Variants in ROBO2 observed in about 807,000 individuals in gnomAD.
ROBO2 encodes roundabout homolog 2.
Under a neutral mutation model 160.8 loss-of-function variants are expected in ROBO2, and 53 were observed. The observed-to-expected ratio is 0.33, with a 90% CI of 0.26 to 0.41. The LOEUF (loss-of-function observed/expected upper bound fraction) is 0.41, where lower values mean the gene tolerates loss of function less well. ROBO2 is among the 10% of genes least tolerant of loss of function. The pLI is 1.00. For synonymous variants in ROBO2, 664 were observed against 611.7 expected, an observed-to-expected ratio of 1.09 and a Z score of -1.26; for missense variants, 1,577 against 1,722.4, an observed-to-expected ratio of 0.92 and a Z score of 1.49.
rs111999016 is a variant in ROBO2, at chr3:76,670,569, C to G, written c.110-427445C>G. ...CTGTGCTTTCTACCCTCTGGGCAAACCTGCATTCTTCATTCATACTGATCT... is the reference window on the plus strand; with the variant it reads ...CTGTGCTTTCTACCCTCTGGGCAAAGCTGCATTCTTCATTCATACTGATCT... On this transcript the variant is annotated intron_variant, in intron 2 of 26. Coordinates refer to the ROBO2 transcript ENST00000487694. 2.5e-3 allele frequency among the ~76,000 whole-genome samples: 386 copies of G among 152,050 alleles called. 2 individuals are homozygous for G. The highest frequency in any genetic ancestry group is 8.8e-3 in the African/African-American group (365 of 41,494).
intron 2 of ROBO2, among the ~76,000 whole-genome samples, chr3:76,090,648 A>C (rs967941221): frequency 5.9e-5 from 9 of 152,182 alleles, no homozygotes; most frequent in African/African-American, 2.2e-4. Context: ...TTTAATATTG[A>C]AGAAGAATAA....
intron 23 of ROBO2, among the ~76,000 whole-genome samples, chr3:77,625,567 G>A (rs1177020725): frequency 1.3e-5 from 2 of 152,044 alleles, no homozygotes; most frequent in South Asian, 4.2e-4. Flanking sequence ...TAGTAGAGAC[G>A]GGGTTTCACC....
At position 77,065,444 on chromosome 3, in the gene ROBO2, A is replaced by G. The variant is rs113706311; in HGVS notation, c.61+24598A>G. On this transcript the variant is annotated intron_variant, in intron 1 of 25. Coordinates refer to ENST00000461745, the Ensembl canonical transcript of ROBO2. ...TTCTCTTTGTATTTTTTGTATCTAA[A>G]CCCAATTACCTGTCATTCTTGTGAC... Among the ~76,000 whole-genome samples the G allele has an allele frequency of 9.3e-3, 1,411 of 152,238 alleles. 16 individuals carry two copies. The highest frequency in any genetic ancestry group is 0.031 in the African/African-American group (1,298 of 41,546).
intron 2 of ROBO2, among the ~76,000 whole-genome samples, chr3:76,597,266 A>G (rs2086795233): frequency 6.6e-6 from 1 of 152,130 alleles, no homozygotes; most frequent in Non-Finnish European, 1.5e-5. Context: ...TAAATGGACC[A>G]CATCAAAATT....
intron 2 of ROBO2, among the ~76,000 whole-genome samples, chr3:76,695,320 G>A (rs1576035223): frequency 6.6e-6 from 1 of 152,142 alleles, no homozygotes; most frequent in East Asian, 1.9e-4. Flanking sequence ...TTCTATGCCT[G>A]TCAGGCAGAT....
At chr3:76,547,684 C>G (rs919786685) in intron 2 of ROBO2, among the ~76,000 whole-genome samples, 2 of 152,040 alleles carry the variant, frequency 1.3e-5, no homozygotes, top group African/African-American at 4.8e-5. Context: ...TACCTCTATG[C>G]TAGCACTGAC....
chr3:76,715,244 A>T (rs2093360723), intron 2 of ROBO2, among the ~76,000 whole-genome samples: 1 of 152,156 alleles, frequency 6.6e-6, no homozygotes. Flanking sequence ...TTCTAAGGAA[A>T]AAAGTTAATA....
At chr3:76,476,606 A>AC (rs2078943996) in intron 2 of ROBO2, among the ~76,000 whole-genome samples, 2 of 152,090 alleles carry the variant, frequency 1.3e-5, no homozygotes, top group African/African-American at 4.8e-5. Context: ...GCGCTGTACC[A>AC]CTGTTCAATC....
chr3:76,496,542 A>C (rs899112703), intron 2 of ROBO2, among the ~76,000 whole-genome samples: 12 of 152,126 alleles, frequency 7.9e-5, no homozygotes, highest in Non-Finnish European at 2.9e-5. Context: ...CCTGTTCCCA[A>C]GACTCTCATA....
At chr3:76,481,109 A>G (rs1393625727) in intron 2 of ROBO2, among the ~76,000 whole-genome samples, 1 of 152,154 alleles carries the variant, frequency 6.6e-6, no homozygotes, top group Non-Finnish European at 1.5e-5. Flanking sequence ...ATGCGTCTCA[A>G]TGACCTGAAA....
intron 2 of ROBO2, among the ~76,000 whole-genome samples, chr3:76,071,421 T>G (rs879907802): frequency 2.6e-5 from 4 of 152,198 alleles, no homozygotes; most frequent in Non-Finnish European, 1.5e-5. Context: ...CTATCTAATT[T>G]ATAATATCCT....
chr3:76,412,436 A>G (rs536612222), intron 2 of ROBO2, among the ~76,000 whole-genome samples: 1 of 152,294 alleles, frequency 6.6e-6, no homozygotes, highest in South Asian at 2.1e-4. Context: ...CCAAAAGTCC[A>G]CAGTCCAAAT....
At chr3:76,959,300 G>T (rs576413750) in intron 2 of ROBO2, among the ~76,000 whole-genome samples, 1 of 152,276 alleles carries the variant, frequency 6.6e-6, no homozygotes, top group Non-Finnish European at 1.5e-5. Context: ...AAGAGTTTAT[G>T]GTAGATTTGG....
At chr3:76,625,868 T>A (rs2084376) in intron 2 of ROBO2, among the ~76,000 whole-genome samples, 91,612 of 151,900 alleles carry the variant, frequency 0.6, 27,803 homozygotes, top group East Asian at 0.73. Flanking sequence ...GATGAAAATG[T>A]GATTTTTTTT....
intron 2 of ROBO2, among the ~76,000 whole-genome samples, chr3:76,865,909 T>C (rs924385621): frequency 3.3e-5 from 5 of 152,114 alleles, no homozygotes; most frequent in Non-Finnish European, 5.9e-5. Flanking sequence ...TGTATTTTAG[T>C]AGGTACTTCA....
chr3:76,046,625 G>A (rs937692079), intron 2 of ROBO2, among the ~76,000 whole-genome samples: 5 of 151,938 alleles, frequency 3.3e-5, no homozygotes, highest in South Asian at 2.1e-4. Flanking sequence ...TCCAGCCTGG[G>A]TGACAGAGCC....
At chr3:76,892,553 G>A (rs577362653) in intron 2 of ROBO2, among the ~76,000 whole-genome samples, 1 of 152,052 alleles carries the variant, frequency 6.6e-6, no homozygotes, top group African/African-American at 2.4e-5. Flanking sequence ...CTTTTTACCT[G>A]ACTGATTTCC....
intron 17 of ROBO2, 147 bp downstream of exon 18, chr3:77,589,080 T>A: frequency 1.1e-6 from 1 of 870,186 alleles, no homozygotes; most frequent in Non-Finnish European, 1.9e-6. Flanking sequence ...CAACATGCTT[T>A]AATGCATTGC....
In ROBO2 at chr3:76,960,598, T is replaced by A. The variant is rs570098057; in HGVS notation, c.110-137416T>A. On this transcript the variant is annotated intron_variant, in intron 2 of 26. Transcript: ENST00000487694. ...AGAAAAGAAAAAAAGAAAGGCATTT[T>A]TATATATACTTGGAGGTGAAACCTC... Among the ~76,000 whole-genome samples, 16 of 152,266 alleles carry A rather than the reference T, an allele frequency of 1.1e-4. No homozygotes were observed. The East Asian group carries it at 3.1e-3, about 29-fold the overall frequency.
Sources: gnomAD v4.1 joint callset for allele counts (sites outside exome capture counted in the v4.1 genomes callset) on GRCh38, gnomAD v4.1.1 for gene constraint, MANE v1.5 for transcripts, NCBI Gene and HGNC (gene_info 2026-07-23, HGNC 2026-07-21) for gene names.